SHC4: variants seen among roughly 807,000 people sequenced by gnomAD.
SHC4 encodes the protein SHC-transforming protein 4.
SHC4 carries 41 observed loss-of-function variants against 69.4 expected under a neutral mutation model. That is an observed-to-expected ratio of 0.59 (90% CI 0.46 to 0.77). The LOEUF is 0.77. SHC4 is among the 30% of genes least tolerant of loss of function. The pLI is 0.00. For synonymous variants in SHC4, 318 were observed against 299.3 expected, an observed-to-expected ratio of 1.06 and a Z score of -0.64; for missense variants, 777 against 783.8, an observed-to-expected ratio of 0.99 and a Z score of 0.10.
Position 48,924,897 on chromosome 15 carries a change from A to G in SHC4, c.638T>C (p.Met213Thr), listed in dbSNP as rs560178887. Reference protein sequence around the residue: ...LQSMRSLDFGMRTQVTREAIS... With the variant: ...LQSMRSLDFGTRTQVTREAIS... ...TTCTTACCTTGTAACTTGGGTTCTC[A>G]TTCCAAAATCCAGTGATCTCATTGA... is the stretch of plus-strand genomic sequence containing the variant. The change falls in exon 2 of 12, where the codon ATG (methionine) becomes ACG (threonine). Residue 213 changes from methionine (M) to threonine (T), a missense_variant. Transcript: ENST00000332408. The G allele has an allele frequency of 6.2e-7, 1 of 1,614,122 alleles. No homozygotes were observed. The highest frequency in any genetic ancestry group is 1.3e-5 in the African/African-American group (1 of 75,048).
chr15:48,911,466 G>A (rs1313519565), intron 2 of SHC4, among the ~76,000 whole-genome samples: 1 of 152,154 alleles, frequency 6.6e-6, no homozygotes, highest in Admixed American at 6.5e-5. Context: ...TTACATGTTA[G>A]GTGAGTCTCC....
At position 48,851,154 on chromosome 15, in the gene SHC4, G is replaced by A. The variant is rs778800839; in HGVS notation, c.1303+34C>T. The A allele has an allele frequency of 2.1e-5, 33 of 1,607,040 alleles. 1 individual carries two copies. In the South Asian group the frequency reaches 3.2e-4, roughly 16 times the overall value. On this transcript the variant is annotated intron_variant, in intron 9 of 11. Transcript: ENST00000332408. ...GTCCATAGGACTTACAAGGAATAAG[G>A]AGGGTGGCAGATGGAGAAGGGCATT...
rs969697207 is a variant in SHC4, at chr15:48,963,293, G to C, written c.-278C>G. The C allele has an allele frequency of 2.7e-6, 1 of 377,144 alleles. No homozygotes were observed. Among genetic ancestry groups the C allele is most frequent in the Non-Finnish European group, 4.8e-6 (1 of 210,340 alleles). The allele number at this position is 377,144 out of a possible 1,614,324, so 23.4% of individuals were successfully genotyped here. A position where few individuals can be genotyped will look rare whatever the true frequency, so the allele number is the denominator to read the frequency against. On this transcript the variant is annotated 5_prime_UTR_variant, in exon 1 of 12. Coordinates refer to ENST00000332408, the MANE Select transcript of SHC4 (RefSeq NM_203349.4). Reference sequence around the variant, plus strand: ...TCCTTGTCGGGAGAGCCTAGACCCAGGCTCCCGGCGGCGCGGGTCGCTCAC... The same window carrying C: ...TCCTTGTCGGGAGAGCCTAGACCCACGCTCCCGGCGGCGCGGGTCGCTCAC...
At position 48,951,194 on chromosome 15, in the gene SHC4, G is replaced by C. The variant is rs180825274; in HGVS notation, c.585+11237C>G. On this transcript the variant is annotated intron_variant, in intron 1 of 11. Coordinates refer to ENST00000332408, the MANE Select transcript of SHC4 (RefSeq NM_203349.4). ...GAGATTTCCACCTGGATGCTTTCGG[G>C]GTCACCTTGAACACAGCAGGTGTAC... is the stretch of plus-strand genomic sequence containing the variant. 5.8e-4 allele frequency among the ~76,000 whole-genome samples: 88 copies of C among 151,998 alleles called. 1 individual carries two copies. The highest frequency in any genetic ancestry group is 1.0e-3 in the South Asian group (5 of 4,790).
At chr15:48,846,079 G>A (rs1899085951) in intron 9 of SHC4, among the ~76,000 whole-genome samples, 1 of 151,892 alleles carries the variant, frequency 6.6e-6, no homozygotes, top group Non-Finnish European at 1.5e-5. Flanking sequence ...GCTTACTGCA[G>A]CCTCGAACTC....
chr15:48,943,187 C>G (rs1032115595), intron 1 of SHC4, among the ~76,000 whole-genome samples: 1 of 152,164 alleles, frequency 6.6e-6, no homozygotes, highest in Non-Finnish European at 1.5e-5. Flanking sequence ...TCATGCTGCA[C>G]ATTAGATCTC....
chr15:48,929,484 G>A (rs1900915378), intron 1 of SHC4, among the ~76,000 whole-genome samples: 1 of 152,162 alleles, frequency 6.6e-6, no homozygotes, highest in African/African-American at 2.4e-5. Flanking sequence ...AAAGAGAAGT[G>A]CCTGGCTCAG....
intron 10 of SHC4, 108 bp downstream of exon 10, chr15:48,843,301 T>A (rs1899026783): frequency 1.8e-6 from 2 of 1,130,028 alleles, no homozygotes; most frequent in African/African-American, 3.1e-5. Flanking sequence ...GCTGACACTT[T>A]GATTTTGGAC....
intron 2 of SHC4, among the ~76,000 whole-genome samples, chr15:48,907,607 T>C (rs1040852999): frequency 4.0e-5 from 6 of 151,718 alleles, no homozygotes; most frequent in African/African-American, 1.5e-4. Flanking sequence ...ATCATTCTCA[T>C]GCCTTTGTGT....
At chr15:48,895,425 C>T (rs1024309969) in intron 2 of SHC4, among the ~76,000 whole-genome samples, 3 of 152,088 alleles carry the variant, frequency 2.0e-5, no homozygotes, top group African/African-American at 7.2e-5. Context: ...TTCCCTTGTT[C>T]ACTCCCCTAA....
chr15:48,826,235 C>A, intron 11 of SHC4, 109 bp from the exon 12 acceptor site: 3 of 1,035,034 alleles, frequency 2.9e-6, no homozygotes, highest in Non-Finnish European at 4.0e-6. Context: ...AGATACTTTG[C>A]TGAAAAAAGA....
At chr15:48,907,838 G>T (rs200327026) in intron 2 of SHC4, among the ~76,000 whole-genome samples, 24 of 113,786 alleles carry the variant, frequency 2.1e-4, no homozygotes, top group African/African-American at 8.1e-4. Context: ...GTGTGTGTGT[G>T]TGTATATATA....
intron 4 of SHC4, among the ~76,000 whole-genome samples, chr15:48,883,100 T>C (rs1196676349): frequency 6.6e-6 from 1 of 152,234 alleles, no homozygotes; most frequent in African/African-American, 2.4e-5. Context: ...CCTGTACTTA[T>C]ATGTTACTGA....
intron 4 of SHC4, among the ~76,000 whole-genome samples, chr15:48,883,695 A>G (rs954974570): frequency 2.0e-5 from 3 of 152,260 alleles, no homozygotes; most frequent in Non-Finnish European, 4.4e-5. Flanking sequence ...GAGGTTCACA[A>G]TGAAAACTCA....
At chr15:48,868,581 A>G (rs1313899966) in intron 5 of SHC4, among the ~76,000 whole-genome samples, 1 of 152,274 alleles carries the variant, frequency 6.6e-6, no homozygotes, top group Non-Finnish European at 1.5e-5. Flanking sequence ...TAAGGTTTTA[A>G]TAATTAAAGA....
At chr15:48,831,717 A>C (rs895955975) in intron 11 of SHC4, among the ~76,000 whole-genome samples, 2 of 152,210 alleles carry the variant, frequency 1.3e-5, no homozygotes, top group African/African-American at 4.8e-5. Flanking sequence ...CTTATTTTTC[A>C]CATTTTTGTC....
intron 4 of SHC4, among the ~76,000 whole-genome samples, chr15:48,881,642 C>T (rs1205899718): frequency 3.9e-5 from 6 of 152,072 alleles, no homozygotes; most frequent in African/African-American, 1.2e-4. Flanking sequence ...GAATTCAGTA[C>T]CTGTTAGAGT....
rs56374748 is a variant in SHC4 at position 48,826,909 on chromosome 15, C to T, written c.1738-783G>A. Among the ~76,000 whole-genome samples the T allele has an allele frequency of 5.1e-3, 776 of 152,314 alleles. 8 individuals are homozygous for T. The highest frequency in any genetic ancestry group is 0.018 in the African/African-American group (739 of 41,546). On this transcript the variant is annotated intron_variant, in intron 11 of 11. Transcript: ENST00000332408. ...GGCATTCATGTGTCCTTCCCACAGA[C>T]TTCATAGTAGCTGATTCACAGATAT...
intron 11 of SHC4, among the ~76,000 whole-genome samples, chr15:48,828,660 CTGT>C (rs1384029843): frequency 1.3e-5 from 2 of 152,104 alleles, no homozygotes; most frequent in Admixed American, 1.3e-4. Context: ...TTGCGAACAC[CTGT>C]TATTTTCTTC....
Sources: gnomAD v4.1 joint callset for allele counts (sites outside exome capture counted in the v4.1 genomes callset) on GRCh38, gnomAD v4.1.1 for gene constraint, MANE v1.5 for transcripts, NCBI Gene and HGNC (gene_info 2026-07-23, HGNC 2026-07-21) for gene names.